Variants in CTTNBP2 observed in about 807,000 individuals in gnomAD.
CTTNBP2 encodes cortactin-binding protein 2.
In CTTNBP2, 108 loss-of-function variants were observed where a neutral mutation model predicts 156.9. The ratio of observed to expected loss-of-function variants is 0.69; its 90% CI spans 0.59 to 0.81. The LOEUF (loss-of-function observed/expected upper bound fraction) is 0.81, where lower values mean the gene tolerates loss of function less well. Among genes scored for constraint, CTTNBP2 ranks in the 30% least tolerant of loss-of-function variants. The pLI is 0.00. For missense variants in CTTNBP2, 1,924 were observed against 2,035.4 expected (o/e 0.95, Z 1.05); for synonymous variants, 767 against 751.8 (o/e 1.02, Z -0.33).
chr7:117,845,879 C>T (rs1272573491), intron 2 of CTTNBP2, among the ~76,000 whole-genome samples: 1 of 151,242 alleles, frequency 6.6e-6, no homozygotes, highest in Non-Finnish European at 1.5e-5. Context: ...GAGATGGAGT[C>T]TCGCTTTGTC....
chr7:117,810,003 G>A (rs1800173028), intron 3 of CTTNBP2, among the ~76,000 whole-genome samples: 1 of 152,072 alleles, frequency 6.6e-6, no homozygotes. Flanking sequence ...ATATTAGAAG[G>A]GCAAAATTTA....
At chr7:117,856,171 T>C (rs184355190) in intron 2 of CTTNBP2, among the ~76,000 whole-genome samples, 358 of 152,280 alleles carry the variant, frequency 2.4e-3, no homozygotes, top group Non-Finnish European at 3.9e-3. Flanking sequence ...AAAAGTTCCA[T>C]GTCTATGAAA....
chr7:117,867,552 C>T (rs190001690), intron 1 of CTTNBP2, among the ~76,000 whole-genome samples: 3 of 152,134 alleles, frequency 2.0e-5, no homozygotes, highest in African/African-American at 7.2e-5. Context: ...CCCCACCCCA[C>T]CATATACACT....
At chr7:117,786,725 T>C (rs1798722114) in intron 4 of CTTNBP2, among the ~76,000 whole-genome samples, 1 of 152,210 alleles carries the variant, frequency 6.6e-6, no homozygotes, top group African/African-American at 2.4e-5. Flanking sequence ...TTTGTTTACA[T>C]TTTTCTTTTT....
chr7:117,712,012 C>T (rs1344899106), intron 22 of CTTNBP2, among the ~76,000 whole-genome samples: 1 of 152,160 alleles, frequency 6.6e-6, no homozygotes, highest in Non-Finnish European at 1.5e-5. Flanking sequence ...ATACAGGAGT[C>T]AGTGAATCAA....
chr7:117,764,200 A>G (rs762252050), intron 9 of CTTNBP2, among the ~76,000 whole-genome samples: 1 of 152,104 alleles, frequency 6.6e-6, no homozygotes, highest in Non-Finnish European at 1.5e-5. Flanking sequence ...CTCACTTACA[A>G]TCGTTCAATT....
intron 2 of CTTNBP2, among the ~76,000 whole-genome samples, chr7:117,849,599 C>T (rs144632404): frequency 1.0e-3 from 154 of 152,198 alleles, no homozygotes; most frequent in Non-Finnish European, 2.0e-3. Flanking sequence ...AGTCCATACC[C>T]CTGTGCCTTC....
chr7:117,817,345 AAAAAAAAAAAAAAAAAAT>A (rs1477611723), intron 2 of CTTNBP2, among the ~76,000 whole-genome samples: 1 of 32,708 alleles, frequency 3.1e-5, no homozygotes, highest in Admixed American at 3.6e-4. Context: ...AAAAAAAAAA[AAAAAAAAAAAAAAAAAAT>A]ATATATATAT....
chr7:117,871,843 T>TACACACACACACACACACACACACAC lies in CTTNBP2; in HGVS notation c.81+1491_81+1492insGTGTGTGTGTGTGTGTGTGTGTGTGT, dbSNP rs1563083191. On this transcript the variant is annotated intron_variant, in intron 1 of 22. Transcript: ENST00000160373. The stretch of plus-strand genomic sequence containing the variant: ...CCCTCTTTCTTTTTCGTCCTTCCCC[T>TACACACACACACACACACACACACAC]TCACACACACACACACACACACACA... 7.9e-5 allele frequency: 24 copies of TACACACACACACACACACACACACAC among 303,288 alleles called. No homozygotes were observed. In the African/African-American group the frequency reaches 2.3e-3, roughly 29 times the overall value. 18.8% of individuals were successfully genotyped at this position (303,288 alleles called of 1,614,324 possible).
Position 117,792,187 on chromosome 7 carries a change from C to G in CTTNBP2, c.1009G>C (p.Val337Leu). Residue 337 changes from valine to leucine, a missense_variant, in exon 4 of 23, where the codon GTT becomes CTT. Transcript: ENST00000160373. This position sits in a 1 kb window ranked among gnomAD's most constrained non-coding sequence, Gnocchi z 4.2. ...ACGCTCCCTTTTGCATTTGCAGAAACTAGGGGACTCCCTGTGGAAGGTTTT... is the reference window on the plus strand; with the variant it reads ...ACGCTCCCTTTTGCATTTGCAGAAAGTAGGGGACTCCCTGTGGAAGGTTTT... ...PVKPSTGSPL[V>L]SANAKGSVCT... is the part of the protein sequence containing the mutation. 1 of 1,614,190 alleles carries G rather than the reference C, an allele frequency of 6.2e-7. No individual in the cohort carries two copies. The highest frequency in any genetic ancestry group is 8.5e-7 in the Non-Finnish European group (1 of 1,180,040).
chr7:117,804,207 C>A (rs756063399), intron 3 of CTTNBP2, among the ~76,000 whole-genome samples: 3 of 152,168 alleles, frequency 2.0e-5, no homozygotes, highest in Non-Finnish European at 4.4e-5. Flanking sequence ...AAGTGATCCG[C>A]CTGTCTCAGT....
chr7:117,766,937 A>G (rs1478257633), intron 9 of CTTNBP2, 122 bp downstream of exon 9: 4 of 658,606 alleles, frequency 6.1e-6, no homozygotes, highest in South Asian at 3.8e-5. Context: ...TATTTTTGCC[A>G]TAGCTAGGGC....
chr7:117,837,164 C>T (rs1253167694), intron 2 of CTTNBP2, among the ~76,000 whole-genome samples: 1 of 152,162 alleles, frequency 6.6e-6, no homozygotes, highest in Non-Finnish European at 1.5e-5. Context: ...TAGACTTAGT[C>T]CTGTAATTTT....
chr7:117,820,574 G>A lies in CTTNBP2; in HGVS notation c.190-9585C>T, dbSNP rs1800897355. 1.3e-5 allele frequency among the ~76,000 whole-genome samples: 2 copies of A among 152,162 alleles called. 1 individual carries two copies. Among genetic ancestry groups the A allele is most frequent in the African/African-American group, 4.8e-5 (2 of 41,442 alleles). On this transcript the variant is annotated intron_variant, in intron 2 of 22. Coordinates refer to ENST00000160373, the MANE Select transcript of CTTNBP2 (RefSeq NM_033427.3). ...TGTATGGTGTTAGAAATAAAGGGTT[G>A]ATGTTCAATTTTTCCACATATAGAT... is the stretch of plus-strand genomic sequence containing the variant.
Position 117,757,954 on chromosome 7 carries a change from T to C in CTTNBP2, c.3189A>G (p.Ser1063=), listed in dbSNP as rs1313640306. ...GGGACTGCGCGAAGCTCTGACCCAC[T>C]GACCACGGCACATTTCCTAGTTTCA... is the stretch of plus-strand genomic sequence containing the variant. ...RSITLGNVPW[S]VGQSFAQSPW... is the part of the protein sequence containing the mutation. Residue 1063 remains serine (S), a synonymous_variant, in exon 11 of 23, where the codon TCA becomes TCG. Coordinates refer to ENST00000160373, the MANE Select transcript of CTTNBP2 (RefSeq NM_033427.3). 2 of 1,613,014 alleles carry C rather than the reference T, an allele frequency of 1.2e-6. No individual in the cohort carries two copies. The highest frequency in any genetic ancestry group is 1.3e-5 in the African/African-American group (1 of 74,888).
At chr7:117,789,551 G>A (rs955291892) in intron 4 of CTTNBP2, among the ~76,000 whole-genome samples, 2 of 152,132 alleles carry the variant, frequency 1.3e-5, no homozygotes, top group Non-Finnish European at 2.9e-5. Flanking sequence ...TTTAGGCCAC[G>A]AGAAAAGCTG....
rs758616786 is a variant in CTTNBP2 at position 117,791,847 on chromosome 7, A to T, written c.1349T>A (p.Phe450Tyr). Reference sequence around the variant, plus strand: ...GTCGTTAGCATTGCCCTGAAATCTAAATCTAGCTGCTTGGATTCGTGGGTT... The same window carrying T: ...GTCGTTAGCATTGCCCTGAAATCTATATCTAGCTGCTTGGATTCGTGGGTT... ...GLNPRIQAARFRFQGNANDPD... is the reference protein window; with the variant it reads ...GLNPRIQAARYRFQGNANDPD... The change falls in exon 4 of 23, where the codon TTT (phenylalanine) becomes TAT (tyrosine). Residue 450 changes from phenylalanine (F) to tyrosine (Y), a missense_variant. By Grantham distance (22) the Phe-to-Tyr change is conservative. Transcript: ENST00000160373. The T allele has an allele frequency of 6.2e-7, 1 of 1,614,130 alleles. No individual in the cohort carries two copies. The highest frequency in any genetic ancestry group is 1.7e-5 in the Admixed American group (1 of 60,020).
At chr7:117,779,449 G>C (rs984017414) in intron 7 of CTTNBP2, among the ~76,000 whole-genome samples, 31 of 152,112 alleles carry the variant, frequency 2.0e-4, no homozygotes, top group Admixed American at 3.9e-4. Flanking sequence ...TAGTTGGAGA[G>C]AATGGATTTC....
At chr7:117,834,051 TTTCTTC>T (rs1801780271) in intron 2 of CTTNBP2, among the ~76,000 whole-genome samples, 1 of 112,160 alleles carries the variant, frequency 8.9e-6, no homozygotes, top group Non-Finnish European at 1.9e-5. Flanking sequence ...TTCTTTTTTC[TTTCTTC>T]TTTTTTTTTT....
Sources: gnomAD v4.1 joint callset for allele counts (sites outside exome capture counted in the v4.1 genomes callset) on GRCh38, gnomAD v4.1.1 for gene constraint, Gnocchi (gnomAD v3.1) non-coding constraint, MANE v1.5 for transcripts, NCBI Gene and HGNC (gene_info 2026-07-23, HGNC 2026-07-21) for gene names.